Variants in ASIC2 observed in about 807,000 individuals in gnomAD.
ASIC2 encodes acid-sensing ion channel 2.
A neutral mutation model predicts 57.3 loss-of-function variants in ASIC2; 25 were observed. The observed-to-expected ratio is 0.44, with a 90% CI of 0.32 to 0.61. The LOEUF (loss-of-function observed/expected upper bound fraction) is 0.61. Among genes scored for constraint, ASIC2 ranks in the 20% least tolerant of loss-of-function variants. The pLI is 0.06. For missense variants in ASIC2, 641 were observed against 738.1 expected (o/e 0.87, Z 1.52); for synonymous variants, 319 against 307.5 (o/e 1.04, Z -0.39).
chr17:33,834,341 C>G (rs1463643697), intron 1 of ASIC2: 1 of 152,232 alleles, frequency 6.6e-6, no homozygotes, highest in East Asian at 1.9e-4. Flanking sequence ...ATTTCCCACT[C>G]TAAACACATT....
At position 33,389,513 on chromosome 17, in the gene ASIC2, G is replaced by A. The variant is rs74410339; in HGVS notation, c.556-277446C>T. Among the ~76,000 whole-genome samples the A allele has an allele frequency of 6.6e-5, 10 of 152,304 alleles. 1 individual carries two copies. In the East Asian group the frequency reaches 1.7e-3, roughly 26 times the overall value. ...TCTCATCAAATATGAAATATTGCTG[G>A]GCAGGGTTTCAGCTAATATGTCAGC... On this transcript the variant is annotated intron_variant, in intron 1 of 9. Coordinates refer to the ASIC2 transcript ENST00000359872.
chr17:33,291,252 G>C, intron 1 of ASIC2, 156 bp downstream of exon 1: 1 of 1,400,414 alleles, frequency 7.1e-7, no homozygotes, highest in South Asian at 1.6e-5. Flanking sequence ...TGCAGGAGAA[G>C]ACTCAGGGGA....
At chr17:33,129,659 A>G (rs949402864) in intron 1 of ASIC2, among the ~76,000 whole-genome samples, 4 of 152,288 alleles carry the variant, frequency 2.6e-5, no homozygotes, top group African/African-American at 7.2e-5. Context: ...TGCCCTGAGG[A>G]TGACCCTGTA....
intron 1 of ASIC2, among the ~76,000 whole-genome samples, chr17:33,677,387 A>T (rs1433479956): frequency 3.3e-5 from 5 of 152,220 alleles, no homozygotes; most frequent in Non-Finnish European, 7.3e-5. Context: ...TTCTGCGCCC[A>T]TGGATCAAGA....
At chr17:33,778,162 G>T (rs997504851) in intron 1 of ASIC2, among the ~76,000 whole-genome samples, 1 of 152,164 alleles carries the variant, frequency 6.6e-6, no homozygotes, top group Non-Finnish European at 1.5e-5. Context: ...GAGGTGAGTT[G>T]CTCCTGTCTG....
intron 1 of ASIC2, among the ~76,000 whole-genome samples, chr17:33,359,044 C>G (rs1223018277): frequency 6.6e-6 from 1 of 152,088 alleles, no homozygotes; most frequent in Non-Finnish European, 1.5e-5. Context: ...CTTCCAGCAA[C>G]AATGGAAGAG....
intron 3 of ASIC2, among the ~76,000 whole-genome samples, chr17:33,069,526 T>A (rs2092058650): frequency 6.6e-6 from 1 of 152,216 alleles, no homozygotes; most frequent in South Asian, 2.1e-4. Context: ...TGCTATTAGG[T>A]GCATAAATAT....
In ASIC2 at chr17:33,848,462, G is replaced by A. The variant is rs185925912; in HGVS notation, c.555+307516C>T. On this transcript the variant is annotated intron_variant, in intron 1 of 9. Coordinates refer to the ASIC2 transcript ENST00000359872. ...GAATGAGGGGTGTTGTAGCCCAAAA[G>A]CAACAGAGGACAGGCACTGAGCTGC... 2.6e-5 allele frequency among the ~76,000 whole-genome samples: 4 copies of A among 152,250 alleles called. No homozygotes were observed. In the East Asian group the frequency reaches 7.7e-4, roughly 29 times the overall value.
chr17:33,461,086 T>A (rs1411084595), intron 1 of ASIC2, among the ~76,000 whole-genome samples: 2 of 152,182 alleles, frequency 1.3e-5, no homozygotes, highest in African/African-American at 4.8e-5. Flanking sequence ...GTAATGTGCA[T>A]CTCCCTAGCT....
intron 1 of ASIC2, among the ~76,000 whole-genome samples, chr17:33,517,114 C>T (rs949418981): frequency 1.3e-5 from 2 of 152,148 alleles, no homozygotes; most frequent in Non-Finnish European, 2.9e-5. Flanking sequence ...CCTTTTGCTG[C>T]ATATTATTAT....
At chr17:33,989,333 G>T (rs1905930376) in intron 1 of ASIC2, among the ~76,000 whole-genome samples, 1 of 152,072 alleles carries the variant, frequency 6.6e-6, no homozygotes, top group African/African-American at 2.4e-5. Context: ...TCCAGGATTG[G>T]GAGGTGTGAT....
intron 1 of ASIC2, among the ~76,000 whole-genome samples, chr17:33,200,613 T>C (rs1180558673): frequency 6.6e-6 from 1 of 152,238 alleles, no homozygotes; most frequent in Non-Finnish European, 1.5e-5. Flanking sequence ...GGTCTGGCTG[T>C]GATTCTGTTG....
At chr17:33,187,583 T>TA in intron 1 of ASIC2, among the ~76,000 whole-genome samples, 1 of 152,270 alleles carries the variant, frequency 6.6e-6, no homozygotes, top group African/African-American at 2.4e-5. Context: ...CTGCACCTAA[T>TA]AGAATGTATG....
intron 1 of ASIC2, among the ~76,000 whole-genome samples, chr17:33,392,613 C>T (rs971576843): frequency 1.3e-5 from 2 of 152,108 alleles, no homozygotes; most frequent in Non-Finnish European, 2.9e-5. Flanking sequence ...CTCCTCCCCT[C>T]TCTCCTGTCA....
Position 33,415,613 on chromosome 17 carries a change from A to G in ASIC2, c.556-303546T>C, listed in dbSNP as rs1346757284. On this transcript the variant is annotated intron_variant, in intron 1 of 9. Transcript: ENST00000359872. ...GACTTCAAGCCTGCAGCAGCCAGTC[A>G]GTATGCTGGGAACATCCGGGGCCTC... 2.6e-5 allele frequency among the ~76,000 whole-genome samples: 4 copies of G among 152,112 alleles called. No individual in the cohort carries two copies. In the East Asian group the frequency reaches 7.7e-4, roughly 29 times the overall value.
intron 1 of ASIC2, among the ~76,000 whole-genome samples, chr17:33,676,198 T>C (rs1597831505): frequency 6.6e-6 from 1 of 152,322 alleles, no homozygotes; most frequent in East Asian, 1.9e-4. Flanking sequence ...TTTCCCTTTC[T>C]TTGGGAAATT....
chr17:33,313,292 C>T (rs1055600640), intron 1 of ASIC2, among the ~76,000 whole-genome samples: 11 of 151,058 alleles, frequency 7.3e-5, no homozygotes, highest in Non-Finnish European at 7.4e-5. Context: ...GCCGTCACTG[C>T]ACTCTGCCCT....
chr17:33,414,682 T>C (rs1368449165), intron 1 of ASIC2, among the ~76,000 whole-genome samples: 1 of 152,226 alleles, frequency 6.6e-6, no homozygotes, highest in African/African-American at 2.4e-5. Context: ...GAGCAAATCC[T>C]GGTCCTTAAC....
intron 1 of ASIC2, among the ~76,000 whole-genome samples, chr17:33,505,078 A>T (rs1914209252): frequency 1.3e-5 from 2 of 152,162 alleles, no homozygotes; most frequent in African/African-American, 2.4e-5. Flanking sequence ...GGCAAATAGC[A>T]CAATAGATAA....
Sources: allele counts gnomAD v4.1 joint callset (sites outside exome capture counted in the v4.1 genomes callset), GRCh38; gene constraint gnomAD v4.1.1; transcripts MANE v1.5; gene names NCBI Gene and HGNC (gene_info 2026-07-23, HGNC 2026-07-21).